The following PCLO variants were observed in gnomAD, a reference collection of about 807,000 sequenced individuals.
PCLO encodes protein piccolo.
A neutral mutation model predicts 427.5 loss-of-function variants in PCLO; 82 were observed. The observed-to-expected ratio is 0.19, with a 90% CI of 0.16 to 0.23. PCLO has a LOEUF of 0.23. PCLO is among the 10% of genes least tolerant of loss of function. The pLI, the probability that PCLO is intolerant of heterozygous loss-of-function variation, is 1.00. For synonymous variants in PCLO, 2,357 were observed against 2,155.4 expected (o/e 1.09, Z -2.59); for missense variants, 6,239 against 6,115.9 (o/e 1.02, Z -0.67).
At chr7:83,028,983 C>T (rs1476815904) in intron 3 of PCLO, among the ~76,000 whole-genome samples, 2 of 151,942 alleles carry the variant, frequency 1.3e-5, no homozygotes, top group South Asian at 2.1e-4. Context: ...ACTTAAACGT[C>T]AGACCTAAAA....
At chr7:82,973,190 A>G (rs1001887585) in intron 3 of PCLO, among the ~76,000 whole-genome samples, 4 of 152,148 alleles carry the variant, frequency 2.6e-5, no homozygotes, top group Non-Finnish European at 5.9e-5. Flanking sequence ...ATAAGTATGC[A>G]TAATGATGAA....
rs1350694431 is a variant in PCLO at position 82,914,678 on chromosome 7, C to CAA, written c.13300+6_13300+7dup. 6.2e-7 allele frequency: 1 copy of CAA among 1,612,316 alleles called. No individual in the cohort carries two copies. Among genetic ancestry groups the CAA allele is most frequent in the Non-Finnish European group, 8.5e-7 (1 of 1,179,150 alleles). On this transcript the variant is annotated splice_region_variant and intron_variant, in intron 7 of 24. Transcript: ENST00000333891. ...GAGAGTAACAGGGTAGTTTGAGGCC[C>CAA]AATTTACCTTCACTGTCTGACATGG...
rs1190480365 is a variant in PCLO at position 82,916,088 on chromosome 7, A to C, written c.11898T>G (p.Thr3966=). 1 of 1,613,532 alleles carries C rather than the reference A, an allele frequency of 6.2e-7. No individual in the cohort carries two copies. The highest frequency in any genetic ancestry group is 8.5e-7 in the Non-Finnish European group (1 of 1,179,748). The change falls in exon 7 of 25, where the codon ACT becomes ACG. Residue 3966 remains threonine (T), a synonymous_variant. Transcript: ENST00000333891. ...TTATCTTGGGCTCCAAATATAATGT[A>C]GTTTGCCGTGGCTTCTGTTGTATCA... ...MMVIQQKPRQ[T]TLYLEPKITS...
At chr7:83,107,713 A>ATAAAAAGATAAAAAGAAAGAACTGGCCG (rs141451890) in intron 3 of PCLO, among the ~76,000 whole-genome samples, 1 of 126,868 alleles carries the variant, frequency 7.9e-6, no homozygotes, top group Non-Finnish European at 2.0e-5. Flanking sequence ...AGAAGAGAAT[A>ATAAAAAGATAAAAAGAAAGAACTGGCCG]TGTGCGGTGG....
intron 10 of PCLO, among the ~76,000 whole-genome samples, chr7:82,867,020 T>C (rs1403429938): frequency 1.3e-5 from 2 of 152,156 alleles, no homozygotes; most frequent in African/African-American, 4.8e-5. Flanking sequence ...TATTCTGCAT[T>C]TCTTTATTTC....
intron 3 of PCLO, among the ~76,000 whole-genome samples, chr7:83,119,429 T>G (rs1033528894): frequency 1.3e-5 from 2 of 152,114 alleles, no homozygotes; most frequent in Non-Finnish European, 2.9e-5. Context: ...ACAGTACCTC[T>G]CACAGTCTCC....
At chr7:83,020,536 C>T (rs932635408) in intron 3 of PCLO, among the ~76,000 whole-genome samples, 1 of 152,104 alleles carries the variant, frequency 6.6e-6, no homozygotes, top group African/African-American at 2.4e-5. Context: ...GAGGGCATAG[C>T]GTTTTGTCTC....
In PCLO at chr7:82,965,951, T is replaced by G; in HGVS notation, c.3837A>C (p.Arg1279Ser). Reference protein sequence around the residue: ...VQIAEEKLEGRVAPKTVQEGK... With the variant: ...VQIAEEKLEGSVAPKTVQEGK... ...CTTCTTGCACTGTCTTTGGAGCCAC[T>G]CTGCCTTCAAGCTTTTCTTCAGCAA... is the stretch of plus-strand genomic sequence containing the variant. The change falls in exon 4 of 25, where the codon AGA becomes AGC. Residue 1279 changes from arginine (R) to serine (S), a missense_variant. Physicochemically the swap from Arg to Ser is moderately radical, Grantham distance 110. Transcript: ENST00000333891. The G allele has an allele frequency of 6.2e-7, 1 of 1,613,970 alleles. No homozygotes were observed. Among genetic ancestry groups the G allele is most frequent in the Non-Finnish European group, 8.5e-7 (1 of 1,179,878 alleles).
At chr7:83,151,091 C>T (rs1792117380) in intron 2 of PCLO, among the ~76,000 whole-genome samples, 1 of 152,072 alleles carries the variant, frequency 6.6e-6, no homozygotes, top group African/African-American at 2.4e-5. Context: ...CAATTCTGAC[C>T]TCCATAAAAT....
At chr7:83,145,957 T>A (rs1377684551) in intron 2 of PCLO, among the ~76,000 whole-genome samples, 1 of 152,182 alleles carries the variant, frequency 6.6e-6, no homozygotes, top group Admixed American at 6.5e-5. Flanking sequence ...TCAAGAGGGA[T>A]GGCAGACTTC....
At chr7:82,925,127 C>T (rs1584162847) in intron 6 of PCLO, among the ~76,000 whole-genome samples, 1 of 152,096 alleles carries the variant, frequency 6.6e-6, no homozygotes, top group African/African-American at 2.4e-5. Context: ...ATACTATACT[C>T]CTCTCTGACT....
At chr7:82,931,387 T>C (rs1199117474) in intron 6 of PCLO, among the ~76,000 whole-genome samples, 2 of 152,112 alleles carry the variant, frequency 1.3e-5, no homozygotes, top group Non-Finnish European at 2.9e-5. Flanking sequence ...ACAAATCACC[T>C]CAAAATTTAG....
At chr7:82,940,701 CA>C in intron 6 of PCLO, among the ~76,000 whole-genome samples, 1 of 148,958 alleles carries the variant, frequency 6.7e-6, no homozygotes. Flanking sequence ...TTTTTTTAGC[CA>C]AAAATATACT....
At chr7:82,949,421 AAC>A in intron 6 of PCLO, 53 bp downstream of exon 6, 1 of 1,368,384 alleles carries the variant, frequency 7.3e-7, no homozygotes, top group East Asian at 2.3e-5. Flanking sequence ...AAAGTCTGAA[AAC>A]ACATGATTAA....
In PCLO at chr7:83,124,079, G is replaced by A. The variant is rs561930038; in HGVS notation, c.3300+10171C>T. 4.0e-5 allele frequency among the ~76,000 whole-genome samples: 6 copies of A among 151,694 alleles called. No homozygotes were observed. The South Asian group carries it at 8.3e-4, about 21-fold the overall frequency. ...ATCTCAGTACTTCAGTACTTTGGGA[G>A]GCGGGCGGATCATGAGGTCAGGAAA... On this transcript the variant is annotated intron_variant, in intron 3 of 24. Transcript: ENST00000333891.
chr7:82,873,512 C>G (rs932878732), intron 10 of PCLO, among the ~76,000 whole-genome samples: 1 of 152,114 alleles, frequency 6.6e-6, no homozygotes, highest in Non-Finnish European at 1.5e-5. Context: ...CTTGCGCCTA[C>G]TGTGTAATGC....
intron 21 of PCLO, among the ~76,000 whole-genome samples, chr7:82,804,853 C>A (rs947426280): frequency 3.3e-5 from 5 of 152,122 alleles, no homozygotes; most frequent in African/African-American, 1.2e-4. Context: ...TCTTAGAAAA[C>A]CAGGTGGTAG....
At chr7:83,065,764 G>C (rs1583977774) in intron 3 of PCLO, among the ~76,000 whole-genome samples, 1 of 152,026 alleles carries the variant, frequency 6.6e-6, no homozygotes, top group East Asian at 1.9e-4. Context: ...TGTCTTTCCT[G>C]TGCCCCAGCT....
At chr7:82,973,640 A>G (rs1009356548) in intron 3 of PCLO, among the ~76,000 whole-genome samples, 1 of 152,044 alleles carries the variant, frequency 6.6e-6, no homozygotes, top group African/African-American at 2.4e-5. Context: ...GCAAGACCTC[A>G]CACTTCTGTA....
Sources: gnomAD v4.1 joint callset for allele counts (sites outside exome capture counted in the v4.1 genomes callset) on GRCh38, gnomAD v4.1.1 for gene constraint, MANE v1.5 for transcripts, NCBI Gene and HGNC (gene_info 2026-07-23, HGNC 2026-07-21) for gene names.